Variants in FGD4 observed in about 807,000 individuals in gnomAD.
The protein encoded by FGD4 is FYVE, RhoGEF and PH domain-containing protein 4.
In FGD4, 42 loss-of-function variants were observed where a neutral mutation model predicts 102.0. The observed-to-expected ratio is 0.41, with a 90% confidence interval of 0.32 to 0.53. The LOEUF (loss-of-function observed/expected upper bound fraction) is 0.53. Among genes scored for constraint, FGD4 ranks in the 20% least tolerant of loss-of-function variants. The pLI is 0.21. For missense variants in FGD4, 902 were observed against 1,078.2 expected, an observed-to-expected ratio of 0.84 and a Z score of 2.29; for synonymous variants, 380 against 375.7, an observed-to-expected ratio of 1.01 and a Z score of -0.13.
At chr12:32,400,530 A>T (rs1591830080) in intron 1 of FGD4, among the ~76,000 whole-genome samples, 1 of 152,252 alleles carries the variant, frequency 6.6e-6, no homozygotes, top group South Asian at 2.1e-4. Context: ...TTCAGATGTC[A>T]GTAATGCGGT....
In FGD4 at chr12:32,428,930, C is replaced by CT. The variant is rs563311640; in HGVS notation, c.166+28977dup. ...TATTCTAGTTAGCAATTCCTCTAAC[C>CT]TTTTTTCAAGGTTCTTAGCTTCCTT... On this transcript the variant is annotated intron_variant, in intron 1 of 16. Coordinates refer to ENST00000534526, the MANE Select transcript of FGD4 (RefSeq NM_001370298.3). Among the ~76,000 whole-genome samples, 202 of 152,226 alleles carry CT rather than the reference C, an allele frequency of 1.3e-3. 1 individual carries two copies. Among genetic ancestry groups the CT allele is most frequent in the African/African-American group, 4.6e-3 (192 of 41,540 alleles).
intron 1 of FGD4, among the ~76,000 whole-genome samples, chr12:32,402,320 C>G (rs377357783): frequency 5.9e-5 from 9 of 151,502 alleles, no homozygotes; most frequent in South Asian, 2.1e-4. Context: ...ATCGCTTGCG[C>G]TCAGGAGGTG....
chr12:32,638,950 T>C (rs1437532456), intron 16 of FGD4, 155 bp downstream of exon 16: 1 of 1,485,636 alleles, frequency 6.7e-7, no homozygotes, highest in East Asian at 2.5e-5. Flanking sequence ...GTTTGTTGTT[T>C]AAGCTGATTG....
Position 32,640,676 on chromosome 12 carries a change from T to C in FGD4, c.*143T>C. On this transcript the variant is annotated 3_prime_UTR_variant, in exon 17 of 17. Coordinates refer to ENST00000534526, the MANE Select transcript of FGD4 (RefSeq NM_001370298.3). ...TCTTTTGAGGACTATTTTCCTATGT[T>C]TATGTACTCTTAGTGAAATTAGTGT... is the stretch of plus-strand genomic sequence containing the variant. 8.9e-7 allele frequency: 1 copy of C among 1,121,768 alleles called. No individual in the cohort carries two copies. The highest frequency in any genetic ancestry group is 1.3e-6 in the Non-Finnish European group (1 of 779,292). 69.5% of individuals were successfully genotyped at this position (1,121,768 alleles called of 1,614,324 possible). A position where few individuals can be genotyped will look rare whatever the true frequency, so the allele number is the denominator to read the frequency against.
chr12:32,532,212 A>G (rs1418139465), intron 1 of FGD4, among the ~76,000 whole-genome samples: 1 of 152,226 alleles, frequency 6.6e-6, no homozygotes, highest in Non-Finnish European at 1.5e-5. Context: ...CAATTATAAC[A>G]ATATACTGTA....
chr12:32,640,179 T>G, intron 16 of FGD4, 97 bp from the exon 17 acceptor site: 2 of 1,590,464 alleles, frequency 1.3e-6, no homozygotes, highest in Non-Finnish European at 1.7e-6. Context: ...TAAGTCTGTT[T>G]GGGACAGTGG....
intron 1 of FGD4, among the ~76,000 whole-genome samples, chr12:32,435,498 A>AGT (rs3076971): frequency 8.9e-4 from 133 of 149,718 alleles, no homozygotes; most frequent in South Asian, 1.5e-3. Flanking sequence ...CAATTAAAAA[A>AGT]GTGTGTGTGT....
At chr12:32,487,358 CACTTTT>C (rs968496315) in intron 1 of FGD4, among the ~76,000 whole-genome samples, 8 of 152,192 alleles carry the variant, frequency 5.3e-5, no homozygotes, top group African/African-American at 1.4e-4. Flanking sequence ...ACCCTTTTTA[CACTTTT>C]ACTTATATGT....
At chr12:32,593,395 C>A (rs901755011) in intron 4 of FGD4, among the ~76,000 whole-genome samples, 2 of 152,168 alleles carry the variant, frequency 1.3e-5, no homozygotes, top group African/African-American at 4.8e-5. Flanking sequence ...AGTGATTAAA[C>A]CGTATGTTGT....
At chr12:32,487,292 A>G (rs888960256) in intron 1 of FGD4, among the ~76,000 whole-genome samples, 1 of 152,208 alleles carries the variant, frequency 6.6e-6, no homozygotes, top group Non-Finnish European at 1.5e-5. Flanking sequence ...ACAAACATTG[A>G]ATTAGGATTT....
chr12:32,408,918 C>T (rs1941075175), intron 1 of FGD4, among the ~76,000 whole-genome samples: 2 of 152,128 alleles, frequency 1.3e-5, no homozygotes, highest in South Asian at 4.1e-4. Flanking sequence ...CCTTTCTCCT[C>T]GTCTTCATTG....
intron 1 of FGD4, among the ~76,000 whole-genome samples, chr12:32,453,176 T>TTATATATATATATTA (rs1367502999): frequency 9.0e-5 from 12 of 132,732 alleles, no homozygotes; most frequent in South Asian, 2.4e-4. Flanking sequence ...TATATCTATA[T>TTATATATATATATTA]TATATATATA....
At chr12:32,416,015 A>G (rs1485858743) in intron 1 of FGD4, among the ~76,000 whole-genome samples, 1 of 151,910 alleles carries the variant, frequency 6.6e-6, no homozygotes, top group Non-Finnish European at 1.5e-5. Context: ...CAGCCTCTCC[A>G]TGTCTTTGTG....
intron 1 of FGD4, among the ~76,000 whole-genome samples, chr12:32,452,057 CTGTGAACAATTGTTTAA>C (rs1942794327): frequency 6.6e-6 from 1 of 152,158 alleles, no homozygotes; most frequent in African/African-American, 2.4e-5. Flanking sequence ...TGTGGACACT[CTGTGAACAATTGTTTAA>C]TGACTCCCAA....
intron 1 of FGD4, among the ~76,000 whole-genome samples, chr12:32,427,570 G>A (rs1202123818): frequency 2.0e-5 from 3 of 152,216 alleles, no homozygotes; most frequent in Admixed American, 6.5e-5. Flanking sequence ...TTCTGTAGAT[G>A]TCTATTAGGT....
At position 32,592,076 on chromosome 12, in the gene FGD4, A is replaced by T. The variant is rs371046101; in HGVS notation, c.1012-6421A>T. 7.2e-5 allele frequency among the ~76,000 whole-genome samples: 11 copies of T among 151,920 alleles called. 1 individual carries two copies. The highest frequency in any genetic ancestry group is 1.3e-4 in the Admixed American group (2 of 15,262). ...ATGTATTTGTAAGGTAAAAATTAAT[A>T]TATTTATTTATTTATTTATTTTTTG... On this transcript the variant is annotated intron_variant, in intron 4 of 16. Transcript: ENST00000534526.
At chr12:32,483,622 C>A (rs1319110060) in intron 1 of FGD4, among the ~76,000 whole-genome samples, 2 of 152,162 alleles carry the variant, frequency 1.3e-5, no homozygotes, top group South Asian at 2.1e-4. Context: ...CAGTTTTAGC[C>A]CATAACTCAT....
intron 1 of FGD4, among the ~76,000 whole-genome samples, chr12:32,472,905 G>C (rs562195528): frequency 9.7e-4 from 147 of 152,120 alleles, no homozygotes; most frequent in Non-Finnish European, 1.1e-3. Context: ...ACCTTTATGT[G>C]TAGCTCAAGG....
At chr12:32,537,711 A>C (rs1942416700) in intron 1 of FGD4, among the ~76,000 whole-genome samples, 1 of 152,132 alleles carries the variant, frequency 6.6e-6, no homozygotes, top group Non-Finnish European at 1.5e-5. Flanking sequence ...GTAGTTTTAC[A>C]CTTTGCTTGG....
Sources: gnomAD v4.1 joint callset for allele counts (sites outside exome capture counted in the v4.1 genomes callset) on GRCh38, gnomAD v4.1.1 for gene constraint, MANE v1.5 for transcripts, NCBI Gene and HGNC (gene_info 2026-07-23, HGNC 2026-07-21) for gene names.